The following TMEM117 variants were observed in gnomAD, a reference collection of about 807,000 sequenced individuals.
TMEM117 encodes transmembrane protein 117.
A neutral mutation model predicts 52.4 loss-of-function variants in TMEM117; 27 were observed. The observed-to-expected ratio is 0.51, with a 90% CI of 0.38 to 0.71. The LOEUF (loss-of-function observed/expected upper bound fraction) is 0.71, where lower values mean the gene tolerates loss of function less well. TMEM117 is among the 30% of genes least tolerant of loss of function. TMEM117 has a pLI of 0.00. For missense variants in TMEM117, 556 were observed against 630.5 expected, an observed-to-expected ratio of 0.88 and a Z score of 1.26; for synonymous variants, 215 against 206.3, an observed-to-expected ratio of 1.04 and a Z score of -0.36.
chr12:43,844,927 TG>T lies in TMEM117; in HGVS notation c.277+1del, dbSNP rs760599002. The T allele has an allele frequency of 1.2e-6, 2 of 1,611,678 alleles. No individual in the cohort carries two copies. Among genetic ancestry groups the T allele is most frequent in the Non-Finnish European group, 1.7e-6 (2 of 1,179,396 alleles). Reference protein sequence around the residue: ...GKFLFHQRLFGQLLRLKMFRE... With the variant: ...GKFLFHQRLFXQLLRLKMFRE... Reference sequence around the variant, plus strand: ...AATTTCTGTTCCATCAGCGTTTGTTTGGTAAGTACCATGACCCATGAAATGT... The same window carrying T: ...AATTTCTGTTCCATCAGCGTTTGTTTGTAAGTACCATGACCCATGAAATGT... On this transcript the variant is annotated frameshift_variant and splice_region_variant, in exon 2 of 8. Transcript: ENST00000266534. LOFTEE classifies it high-confidence loss of function.
chr12:43,984,395 A>AACG (rs1326232106), intron 3 of TMEM117, among the ~76,000 whole-genome samples: 2 of 151,944 alleles, frequency 1.3e-5, no homozygotes, highest in Middle Eastern at 3.4e-3. Flanking sequence ...CAACAACAAC[A>AACG]ACAACAACAA....
At chr12:43,911,874 T>C (rs1944508654) in intron 2 of TMEM117, among the ~76,000 whole-genome samples, 1 of 150,296 alleles carries the variant, frequency 6.7e-6, no homozygotes, top group Non-Finnish European at 1.5e-5. Flanking sequence ...TGTGGAGAAA[T>C]AGGAACACTT....
At chr12:44,180,464 T>A (rs1949178678) in intron 4 of TMEM117, among the ~76,000 whole-genome samples, 1 of 150,072 alleles carries the variant, frequency 6.7e-6, no homozygotes, top group South Asian at 2.1e-4. Context: ...TAACTCGTCA[T>A]CTAGCATTAG....
chr12:44,138,803 G>T (rs1481008592), intron 3 of TMEM117, among the ~76,000 whole-genome samples: 1 of 152,140 alleles, frequency 6.6e-6, no homozygotes, highest in African/African-American at 2.4e-5. Context: ...AAGAACTAGA[G>T]ATTTTGAGCA....
chr12:44,094,415 A>T (rs536191018), intron 3 of TMEM117, among the ~76,000 whole-genome samples: 1 of 152,162 alleles, frequency 6.6e-6, no homozygotes, highest in Non-Finnish European at 1.5e-5. Context: ...CACTTTACCC[A>T]GGAGCTTGCA....
intron 6 of TMEM117, among the ~76,000 whole-genome samples, chr12:44,314,899 G>A (rs1377887972): frequency 6.6e-6 from 1 of 152,044 alleles, no homozygotes; most frequent in East Asian, 1.9e-4. Flanking sequence ...GAGCTTTTTT[G>A]TATGTAGGTT....
At chr12:43,961,767 G>A (rs1017006861) in intron 3 of TMEM117, among the ~76,000 whole-genome samples, 6 of 152,086 alleles carry the variant, frequency 3.9e-5, no homozygotes, top group South Asian at 2.1e-4. Flanking sequence ...GAGCCCATAC[G>A]ATAATGAATA....
chr12:44,247,594 A>G (rs568492505), intron 5 of TMEM117, among the ~76,000 whole-genome samples: 1 of 152,332 alleles, frequency 6.6e-6, no homozygotes, highest in African/African-American at 2.4e-5. Context: ...AAAATCTTCT[A>G]AGTATCCTGA....
chr12:44,135,618 A>T (rs1028171667), intron 3 of TMEM117, among the ~76,000 whole-genome samples: 1 of 152,114 alleles, frequency 6.6e-6, no homozygotes, highest in Non-Finnish European at 1.5e-5. Flanking sequence ...TCATATCCAG[A>T]GGAAGATGGA....
intron 4 of TMEM117, among the ~76,000 whole-genome samples, chr12:44,191,639 A>T (rs1055821749): frequency 2.0e-5 from 3 of 152,266 alleles, no homozygotes; most frequent in Admixed American, 6.5e-5. Flanking sequence ...CTCACCTTAT[A>T]TAATAATGAC....
At chr12:43,991,931 G>A (rs1945949021) in intron 3 of TMEM117, among the ~76,000 whole-genome samples, 2 of 152,066 alleles carry the variant, frequency 1.3e-5, no homozygotes, top group African/African-American at 4.8e-5. Context: ...AGGCCTAGGC[G>A]GACGGGTTGC....
At chr12:44,143,021 A>G (rs907200468) in intron 3 of TMEM117, among the ~76,000 whole-genome samples, 1 of 152,204 alleles carries the variant, frequency 6.6e-6, no homozygotes, top group African/African-American at 2.4e-5. Context: ...ATACTGCTTT[A>G]TTATGCATGG....
At chr12:44,344,941 T>G (rs541091330) in intron 6 of TMEM117, among the ~76,000 whole-genome samples, 1 of 152,032 alleles carries the variant, frequency 6.6e-6, no homozygotes, top group Admixed American at 6.6e-5. Context: ...CTCCTGCCCT[T>G]GCTATCATCT....
At chr12:44,095,674 A>G (rs1167952094) in intron 3 of TMEM117, among the ~76,000 whole-genome samples, 1 of 152,112 alleles carries the variant, frequency 6.6e-6, no homozygotes, top group Admixed American at 6.6e-5. Flanking sequence ...ACTTATTTTC[A>G]GGTTAGGTAT....
At chr12:44,309,313 C>G (rs1217092299) in intron 6 of TMEM117, among the ~76,000 whole-genome samples, 1 of 152,144 alleles carries the variant, frequency 6.6e-6, no homozygotes, top group East Asian at 1.9e-4. Flanking sequence ...TTCTGAACCT[C>G]TACCCACTAC....
intron 6 of TMEM117, among the ~76,000 whole-genome samples, chr12:44,353,649 G>C (rs970287459): frequency 6.6e-6 from 1 of 151,678 alleles, no homozygotes; most frequent in South Asian, 2.1e-4. Context: ...CTGTTCCATT[G>C]GTCTATATGT....
At chr12:44,268,899 C>G (rs1232794532) in intron 5 of TMEM117, among the ~76,000 whole-genome samples, 1 of 152,118 alleles carries the variant, frequency 6.6e-6, no homozygotes, top group African/African-American at 2.4e-5. Flanking sequence ...GTTCCCTCCT[C>G]CCTTAAGATA....
downstream of TMEM117, among the ~76,000 whole-genome samples, chr12:44,393,471 G>A (rs1952169987): frequency 6.9e-6 from 1 of 144,028 alleles, no homozygotes. Flanking sequence ...TTGAAGGTAA[G>A]TAGGGTTAAT....
intron 6 of TMEM117, among the ~76,000 whole-genome samples, chr12:44,344,858 G>A (rs1951463819): frequency 6.6e-6 from 1 of 151,992 alleles, no homozygotes; most frequent in Non-Finnish European, 1.5e-5. Context: ...AAAAGGTCAA[G>A]GTTCTGCCCA....
Sources: allele counts gnomAD v4.1 joint callset (sites outside exome capture counted in the v4.1 genomes callset), GRCh38; gene constraint gnomAD v4.1.1; transcripts MANE v1.5; gene names NCBI Gene and HGNC (gene_info 2026-07-23, HGNC 2026-07-21).